Variants in MGAT4C observed in about 807,000 individuals in gnomAD.
The protein encoded by MGAT4C is MGAT4 family member C.
Under a neutral mutation model 40.1 loss-of-function variants are expected in MGAT4C, and 19 were observed. The observed-to-expected ratio is 0.47, with a 90% CI of 0.33 to 0.70. The LOEUF (loss-of-function observed/expected upper bound fraction) is 0.70, where lower values mean the gene tolerates loss of function less well. MGAT4C is among the 30% of genes least tolerant of loss of function. The pLI, the probability that MGAT4C is intolerant of heterozygous loss-of-function variation, is 0.02. For synonymous variants in MGAT4C, 181 were observed against 187.1 expected (o/e 0.97, Z 0.27); for missense variants, 491 against 563.2 (o/e 0.87, Z 1.30).
chr12:86,695,671 A>G (rs1257891589), intron 2 of MGAT4C, among the ~76,000 whole-genome samples: 1 of 152,196 alleles, frequency 6.6e-6, no homozygotes, highest in Non-Finnish European at 1.5e-5. Flanking sequence ...GGCCAGGCAC[A>G]GAAAGACAAA....
chr12:85,957,700 T>G lies in MGAT4C; in HGVS notation c.*21589A>C, dbSNP rs1882882588. The G allele has an allele frequency of 1.4e-5, 2 of 139,872 alleles. No homozygotes were observed. Among genetic ancestry groups the G allele is most frequent in the South Asian group, 4.5e-4 (2 of 4,406 alleles). The allele number at this position is 139,872 out of a possible 1,614,324, so 8.7% of individuals were successfully genotyped here. On this transcript the variant is annotated 3_prime_UTR_variant, in exon 5 of 5. Coordinates refer to ENST00000611864, the MANE Select transcript of MGAT4C (RefSeq NM_001351288.2). ...AAAAAAGAAAAAAAAAATCTATCAA[T>G]CCTGAAAAGAGTGAATCTAGACAGA...
intron 1 of MGAT4C, among the ~76,000 whole-genome samples, chr12:86,052,126 G>C (rs1892955545): frequency 6.6e-6 from 1 of 151,488 alleles, no homozygotes; most frequent in Admixed American, 6.6e-5. Context: ...GCCATAATAA[G>C]ATAATTATAC....
chr12:86,327,093 T>C (rs1954546386), intron 4 of MGAT4C, among the ~76,000 whole-genome samples: 1 of 152,138 alleles, frequency 6.6e-6, no homozygotes, highest in African/African-American at 2.4e-5. Flanking sequence ...TAAGGACTAA[T>C]GCAAAACAAA....
chr12:86,115,579 A>G (rs899048060), intron 1 of MGAT4C, among the ~76,000 whole-genome samples: 1 of 152,222 alleles, frequency 6.6e-6, no homozygotes, highest in East Asian at 1.9e-4. Context: ...AGTAGTGTTA[A>G]TTAATCTAGG....
intron 2 of MGAT4C, among the ~76,000 whole-genome samples, chr12:86,640,782 C>A (rs1299273377): frequency 6.6e-6 from 1 of 151,832 alleles, no homozygotes; most frequent in Non-Finnish European, 1.5e-5. Flanking sequence ...GAATGTGTCC[C>A]AGAGATTCTG....
intron 1 of MGAT4C, among the ~76,000 whole-genome samples, chr12:86,227,827 A>AT (rs1951155502): frequency 6.6e-6 from 1 of 151,910 alleles, no homozygotes; most frequent in Admixed American, 6.6e-5. Context: ...TATAATAAAT[A>AT]TTTTGACACC....
At chr12:86,500,511 A>AAATAT (rs150184546) in intron 2 of MGAT4C, among the ~76,000 whole-genome samples, 15,467 of 151,810 alleles carry the variant, frequency 0.1, 1,011 homozygotes, top group Middle Eastern at 0.25. Context: ...TTGAAAGGCA[A>AAATAT]AATATAAGTG....
chr12:86,416,281 T>C (rs942641013), intron 3 of MGAT4C, among the ~76,000 whole-genome samples: 21 of 152,054 alleles, frequency 1.4e-4, no homozygotes, highest in African/African-American at 4.6e-4. Context: ...ATAAATTAAC[T>C]GTGGGATGGA....
chr12:86,510,208 T>C (rs139446875), intron 2 of MGAT4C, among the ~76,000 whole-genome samples: 5,718 of 151,832 alleles, frequency 0.038, 138 homozygotes, highest in Non-Finnish European at 0.047. Context: ...TTGTCATAGA[T>C]AGCTCTTATT....
intron 2 of MGAT4C, among the ~76,000 whole-genome samples, chr12:86,691,946 C>T (rs1006504852): frequency 6.6e-6 from 1 of 151,936 alleles, no homozygotes; most frequent in Non-Finnish European, 1.5e-5. Context: ...AATTATGTGA[C>T]AATTAAGAAC....
rs73382804 is a variant in MGAT4C at position 86,172,796 on chromosome 12, A to G, written c.-57+83443T>C. 3.3e-3 allele frequency among the ~76,000 whole-genome samples: 504 copies of G among 152,258 alleles called. 2 individuals carry two copies. The highest frequency in any genetic ancestry group is 0.012 in the African/African-American group (491 of 41,572). On this transcript the variant is annotated intron_variant, in intron 1 of 4. Coordinates refer to ENST00000611864, the MANE Select transcript of MGAT4C (RefSeq NM_001351288.2). ...GATTAGTGATGGTAAAACAAAAATG[A>G]GATCACTTCTAATGTTGCTGACAGA...
At chr12:86,296,221 T>C (rs905139311) in intron 4 of MGAT4C, among the ~76,000 whole-genome samples, 8 of 151,820 alleles carry the variant, frequency 5.3e-5, no homozygotes, top group Non-Finnish European at 1.2e-4. Context: ...AGAGTGTCGA[T>C]TGGTGCACTC....
At chr12:86,722,291 C>T (rs1179800943) in intron 2 of MGAT4C, among the ~76,000 whole-genome samples, 1 of 152,038 alleles carries the variant, frequency 6.6e-6, no homozygotes, top group Non-Finnish European at 1.5e-5. Flanking sequence ...TGCATCTTTT[C>T]CCAAAGATCC....
At chr12:86,768,702 G>A (rs532492645) in intron 1 of MGAT4C, among the ~76,000 whole-genome samples, 1 of 152,092 alleles carries the variant, frequency 6.6e-6, no homozygotes, top group Non-Finnish European at 1.5e-5. Context: ...AGAGCCCTCA[G>A]AAATAACGCC....
chr12:86,555,331 A>G (rs995857148), intron 2 of MGAT4C, among the ~76,000 whole-genome samples: 5 of 152,194 alleles, frequency 3.3e-5, no homozygotes, highest in African/African-American at 1.2e-4. Flanking sequence ...TATTGTTTCA[A>G]TCAATTAGAA....
chr12:86,576,244 G>C lies in MGAT4C; in HGVS notation c.-228-140979C>G, dbSNP rs748282299. ...TTATCATTATTAATCCCTTGTCAGA[G>C]AGGTAGTTTGCAAATATTTTCTCCC... On this transcript the variant is annotated intron_variant, in intron 2 of 7. Coordinates refer to the MGAT4C transcript ENST00000548651. Among the ~76,000 whole-genome samples, 5 of 151,914 alleles carry C rather than the reference G, an allele frequency of 3.3e-5. No homozygotes were observed. In the South Asian group the frequency reaches 1.0e-3, roughly 31 times the overall value.
rs564802062 is a variant in MGAT4C at position 86,808,465 on chromosome 12, C to T, written c.-262+30201G>A. Among the ~76,000 whole-genome samples the T allele has an allele frequency of 7.2e-5, 11 of 152,024 alleles. No homozygotes were observed. In the South Asian group the frequency reaches 2.1e-3, roughly 29 times the overall value. ...TTGGCTTCATCCCCAGGATGCAAGG[C>T]TGGTTCAATATACACAAATCAATAA... On this transcript the variant is annotated intron_variant, in intron 1 of 7. Transcript: ENST00000548651.
At chr12:86,799,744 C>T (rs538953810) in intron 1 of MGAT4C, among the ~76,000 whole-genome samples, 5 of 151,434 alleles carry the variant, frequency 3.3e-5, no homozygotes, top group Admixed American at 2.0e-4. Flanking sequence ...TTGTGGATTG[C>T]GGGTAGTGTT....
chr12:86,118,536 C>T lies in MGAT4C; in HGVS notation c.-56-68813G>A, dbSNP rs538487906. 1.5e-4 allele frequency among the ~76,000 whole-genome samples: 23 copies of T among 152,210 alleles called. No homozygotes were observed. In the East Asian group the frequency reaches 2.9e-3, roughly 19 times the overall value. On this transcript the variant is annotated intron_variant, in intron 1 of 4. Transcript: ENST00000611864. ...AATGGGGCCATGAAAAGATTAGCCA[C>T]GGGAACAGAGACATATGAGAGAGAG... is the stretch of plus-strand genomic sequence containing the variant.
Sources: allele counts gnomAD v4.1 joint callset (sites outside exome capture counted in the v4.1 genomes callset), GRCh38; gene constraint gnomAD v4.1.1; transcripts MANE v1.5; gene names NCBI Gene and HGNC (gene_info 2026-07-23, HGNC 2026-07-21).